THRB: variants seen among roughly 807,000 people sequenced by gnomAD.
THRB encodes the protein thyroid hormone receptor beta, also known as nuclear receptor subfamily 1 group A member 2.
Under a neutral mutation model 47.8 loss-of-function variants are expected in THRB, and 12 were observed. That is an observed-to-expected ratio of 0.25 (90% CI 0.16 to 0.41). The LOEUF is 0.41. Ranked by LOEUF, THRB falls within the 10% of genes least tolerant of loss-of-function variation. The pLI is 1.00. For synonymous variants in THRB, 218 were observed against 212.2 expected (o/e 1.03, Z -0.24); for missense variants, 348 against 589.2 (o/e 0.59, Z 4.24).
At chr3:24,299,792 T>TA (rs1322798021) in intron 2 of THRB, among the ~76,000 whole-genome samples, 1 of 125,360 alleles carries the variant, frequency 8.0e-6, no homozygotes, top group Non-Finnish European at 1.7e-5. Context: ...TTTATTTATT[T>TA]TTTTTTTTTT....
intron 4 of THRB, among the ~76,000 whole-genome samples, chr3:24,212,353 G>A (rs1028491670): frequency 7.2e-5 from 11 of 152,086 alleles, no homozygotes; most frequent in African/African-American, 2.7e-4. Context: ...AGCCGAGATC[G>A]CTCCCTTGCA....
intron 5 of THRB, among the ~76,000 whole-genome samples, chr3:24,187,480 T>G (rs2042748443): frequency 6.6e-6 from 1 of 152,210 alleles, no homozygotes. Context: ...CAGGACTATT[T>G]TGTTCGTATC....
Position 24,133,334 on chromosome 3 carries a change from C to G in THRB, c.867G>C (p.Lys289Asn), listed in dbSNP as rs1454972327. Residue 289 changes from lysine to asparagine, a missense_variant, in exon 9 of 11, where the codon AAG (lysine) becomes AAC (asparagine). Coordinates refer to ENST00000646209, the MANE Select transcript of THRB (RefSeq NM_001354712.2). Reference protein sequence around the residue: ...AITRVVDFAKKLPMFCELPCE... With the variant: ...AITRVVDFAKNLPMFCELPCE... ...TCCTCACCTCACAAAACATAGGCAA[C>G]TTTTTGGCAAAATCCACCACTCTGG... is the stretch of plus-strand genomic sequence containing the variant. The G allele has an allele frequency of 6.2e-7, 1 of 1,614,026 alleles. No homozygotes were observed. The highest frequency in any genetic ancestry group is 1.3e-5 in the African/African-American group (1 of 74,940).
chr3:24,364,145 C>T lies in THRB; in HGVS notation c.-260-26774G>A, dbSNP rs372577554. 9.9e-5 allele frequency among the ~76,000 whole-genome samples: 15 copies of T among 152,170 alleles called. No homozygotes were observed. The South Asian group carries it at 3.1e-3, about 32-fold the overall frequency. On this transcript the variant is annotated intron_variant, in intron 1 of 10. Coordinates refer to ENST00000646209, the MANE Select transcript of THRB (RefSeq NM_001354712.2). ...AAATGTTTATTCATTTAAGGCTACA[C>T]GGCAAACCAATATGGAAAAGCATAT...
chr3:24,238,306 T>A (rs1176405494), intron 3 of THRB, among the ~76,000 whole-genome samples: 1 of 124,162 alleles, frequency 8.1e-6, no homozygotes, highest in Non-Finnish European at 1.7e-5. Flanking sequence ...GTGGGGTGTG[T>A]GTGTGATGAA....
chr3:24,187,276 TCA>T (rs1475728790), intron 5 of THRB, among the ~76,000 whole-genome samples: 1 of 152,190 alleles, frequency 6.6e-6, no homozygotes, highest in Admixed American at 6.5e-5. Context: ...AAGCTTACTC[TCA>T]GTTTCTGTAT....
At chr3:24,218,560 T>C (rs1476464929) in intron 4 of THRB, among the ~76,000 whole-genome samples, 2 of 152,024 alleles carry the variant, frequency 1.3e-5, no homozygotes, top group Non-Finnish European at 2.9e-5. Flanking sequence ...TTTTTTCCAT[T>C]GTAGGATCGT....
rs967377464 is a variant in THRB at position 24,330,055 on chromosome 3, C to T, written c.-189+7245G>A. 5.3e-5 allele frequency among the ~76,000 whole-genome samples: 8 copies of T among 152,318 alleles called. No homozygotes were observed. The South Asian group carries it at 1.7e-3, about 32-fold the overall frequency. The stretch of plus-strand genomic sequence containing the variant: ...GCGCGGTGGCTCACGCCTGTAATCC[C>T]AGCACTTTGGGAGGCCGAGGCGGGT... On this transcript the variant is annotated intron_variant, in intron 2 of 10. Transcript: ENST00000646209.
At chr3:24,349,040 A>G (rs1466033392) in intron 1 of THRB, 3 of 152,202 alleles carry the variant, frequency 2.0e-5, no homozygotes, top group Non-Finnish European at 4.4e-5. Context: ...ATCAACATAT[A>G]AAAGTCAATT....
chr3:24,458,936 T>C (rs1448405411), intron 1 of THRB: 2 of 150,940 alleles, frequency 1.3e-5, no homozygotes, highest in Non-Finnish European at 3.0e-5. Flanking sequence ...TATTTATGTA[T>C]TTATTATTTA....
At chr3:24,373,234 T>C (rs147178293) in intron 1 of THRB, among the ~76,000 whole-genome samples, 1 of 152,254 alleles carries the variant, frequency 6.6e-6, no homozygotes, top group African/African-American at 2.4e-5. Context: ...CTGGCTCTCA[T>C]AAACTGAAGG....
intron 3 of THRB, among the ~76,000 whole-genome samples, chr3:24,250,257 G>T (rs1477542972): frequency 6.6e-6 from 1 of 152,148 alleles, no homozygotes; most frequent in East Asian, 1.9e-4. Context: ...CCCTTGAGAA[G>T]TCTCCAACTT....
intron 5 of THRB, among the ~76,000 whole-genome samples, chr3:24,176,788 G>A (rs1375285212): frequency 1.3e-5 from 2 of 152,108 alleles, no homozygotes; most frequent in African/African-American, 2.4e-5. Flanking sequence ...CAGAGGCTGG[G>A]CACAGGAATG....
intron 1 of THRB, among the ~76,000 whole-genome samples, chr3:24,440,451 C>T (rs866883676): frequency 8.5e-5 from 13 of 152,204 alleles, no homozygotes; most frequent in South Asian, 2.1e-4. Context: ...TTTTTCAAGA[C>T]GCAGCCTCAA....
At chr3:24,307,046 TATA>T (rs1338247785) in intron 2 of THRB, among the ~76,000 whole-genome samples, 6 of 151,662 alleles carry the variant, frequency 4.0e-5, no homozygotes, top group Non-Finnish European at 8.8e-5. Context: ...TTTTTATAAA[TATA>T]ATAATAAATT....
At chr3:24,321,816 C>A (rs1428853248) in intron 2 of THRB, among the ~76,000 whole-genome samples, 1 of 151,928 alleles carries the variant, frequency 6.6e-6, no homozygotes, top group Non-Finnish European at 1.5e-5. Flanking sequence ...ATGAGATGTG[C>A]TATAAGTATA....
At chr3:24,469,450 T>C (rs1275382274) in intron 1 of THRB, among the ~76,000 whole-genome samples, 2 of 152,228 alleles carry the variant, frequency 1.3e-5, no homozygotes, top group East Asian at 3.8e-4. Flanking sequence ...TCCCTGACTG[T>C]GCAACTCCCC....
In THRB at chr3:24,293,973, C is replaced by A. The variant is rs150774159; in HGVS notation, c.-43+3253G>T. On this transcript the variant is annotated intron_variant, in intron 3 of 10. Transcript: ENST00000646209. ...GGCTGCAATAATCACTGCCACCCTG[C>A]ATGTCTCTGGCAATGTGACTTTGCC... Among the ~76,000 whole-genome samples, 921 of 152,340 alleles carry A rather than the reference C, an allele frequency of 6.0e-3. 8 individuals are homozygous for A. Among genetic ancestry groups the A allele is most frequent in the Non-Finnish European group, 7.4e-3 (504 of 68,026 alleles).
chr3:24,199,258 C>G (rs971353501), intron 4 of THRB, among the ~76,000 whole-genome samples: 1 of 152,198 alleles, frequency 6.6e-6, no homozygotes, highest in Non-Finnish European at 1.5e-5. Context: ...CAACTTTTGT[C>G]CGGTTACATA....
Sources: allele counts gnomAD v4.1 joint callset (sites outside exome capture counted in the v4.1 genomes callset), GRCh38; gene constraint gnomAD v4.1.1; transcripts MANE v1.5; gene names NCBI Gene and HGNC (gene_info 2026-07-23, HGNC 2026-07-21).